The following PAX5 variants were observed in gnomAD, a reference collection of about 807,000 sequenced individuals.
PAX5 encodes the protein paired box 5.
A neutral mutation model predicts 43.7 loss-of-function variants in PAX5; 9 were observed. That is an observed-to-expected ratio of 0.21 (90% CI 0.12 to 0.36). The LOEUF is 0.36. Among genes scored for constraint, PAX5 ranks in the 10% least tolerant of loss-of-function variants. PAX5 has a pLI of 1.00. For synonymous variants in PAX5, 228 were observed against 214.3 expected (o/e 1.06, Z -0.56); for missense variants, 383 against 532.7 (o/e 0.72, Z 2.77).
chr9:36,952,595 C>T (rs527250275), intron 6 of PAX5, among the ~76,000 whole-genome samples: 1 of 152,148 alleles, frequency 6.6e-6, no homozygotes, highest in Non-Finnish European at 1.5e-5. Context: ...CTGAACGTGT[C>T]ATACAATTCC....
intron 8 of PAX5, among the ~76,000 whole-genome samples, chr9:36,870,115 A>ATGG (rs1825354001): frequency 1.9e-4 from 2 of 10,736 alleles, no homozygotes; most frequent in Non-Finnish European, 2.2e-4. Context: ...TGGATGGATA[A>ATGG]ATGGATGGAT....
chr9:37,020,506 A>C, intron 2 of PAX5, 130 bp downstream of exon 2: 1 of 952,430 alleles, frequency 1.0e-6, no homozygotes, highest in Admixed American at 2.1e-5. Context: ...GCAGACTTTA[A>C]AGTGCTCTGC....
At chr9:36,852,345 T>G (rs560968192) in intron 8 of PAX5, among the ~76,000 whole-genome samples, 23 of 152,234 alleles carry the variant, frequency 1.5e-4, no homozygotes, top group South Asian at 1.2e-3. Context: ...ATCCACATAC[T>G]CAACATGCCC....
chr9:36,989,160 G>C (rs577638001), intron 5 of PAX5, among the ~76,000 whole-genome samples: 2 of 152,358 alleles, frequency 1.3e-5, no homozygotes, highest in East Asian at 3.9e-4. Flanking sequence ...CAGACTCTGA[G>C]CCAAGGTCCC....
intron 7 of PAX5, among the ~76,000 whole-genome samples, chr9:36,911,408 G>A (rs1274116922): frequency 6.6e-6 from 1 of 151,636 alleles, no homozygotes; most frequent in East Asian, 1.9e-4. Context: ...TGGTCCTCCC[G>A]CCTTGACCTC....
At chr9:36,845,319 G>A (rs1170964187) in intron 9 of PAX5, among the ~76,000 whole-genome samples, 3 of 152,236 alleles carry the variant, frequency 2.0e-5, no homozygotes, top group Admixed American at 6.5e-5. Flanking sequence ...GAAGACACTG[G>A]TTCAGGGAGC....
chr9:36,967,029 T>G (rs1034692715), intron 5 of PAX5, among the ~76,000 whole-genome samples: 1 of 152,218 alleles, frequency 6.6e-6, no homozygotes, highest in Non-Finnish European at 1.5e-5. Flanking sequence ...ATGAGAAGAC[T>G]GAGACCTAGA....
chr9:36,849,215 C>T lies in PAX5; in HGVS notation c.1013-2286G>A, dbSNP rs142241770. ...AGCTTGGTGCCCAGTCCACAGCAGA[C>T]AATGAGTGTCTGAACAATTCCTGGT... On this transcript the variant is annotated intron_variant, in intron 8 of 9. Transcript: ENST00000358127. 8.0e-3 allele frequency among the ~76,000 whole-genome samples: 1,212 copies of T among 152,350 alleles called. 13 individuals are homozygous for T. The highest frequency in any genetic ancestry group is 0.028 in the African/African-American group (1,146 of 41,574).
intron 7 of PAX5, among the ~76,000 whole-genome samples, chr9:36,885,415 C>CT (rs1826828000): frequency 6.6e-6 from 1 of 152,112 alleles, no homozygotes; most frequent in Non-Finnish European, 1.5e-5. Flanking sequence ...CCTCGATTTC[C>CT]TTATCTATAA....
chr9:36,860,319 A>G (rs1824091365), intron 8 of PAX5, among the ~76,000 whole-genome samples: 1 of 152,114 alleles, frequency 6.6e-6, no homozygotes, highest in Admixed American at 6.5e-5. Context: ...CCTGGGTGAC[A>G]GAGCAAGACT....
intron 1 of PAX5, among the ~76,000 whole-genome samples, chr9:37,031,880 G>T (rs535230785): frequency 4.6e-5 from 7 of 152,324 alleles, no homozygotes; most frequent in South Asian, 4.1e-4. Context: ...GAAGAAAAAG[G>T]AAGTCTATTG....
At chr9:36,983,904 G>A (rs1836154600) in intron 5 of PAX5, among the ~76,000 whole-genome samples, 1 of 152,156 alleles carries the variant, frequency 6.6e-6, no homozygotes, top group South Asian at 2.1e-4. Flanking sequence ...TAGAGAGAAA[G>A]AGTTCTCCAG....
intron 6 of PAX5, among the ~76,000 whole-genome samples, chr9:36,939,448 C>T (rs1831846860): frequency 6.6e-6 from 1 of 152,182 alleles, no homozygotes; most frequent in Admixed American, 6.5e-5. Flanking sequence ...TCTGAAACCC[C>T]ACGTGCTCAA....
intron 7 of PAX5, among the ~76,000 whole-genome samples, chr9:36,914,756 A>G (rs889377987): frequency 1.3e-5 from 2 of 152,178 alleles, no homozygotes; most frequent in Non-Finnish European, 2.9e-5. Flanking sequence ...CTACAGCACC[A>G]TAATGCCCCA....
intron 6 of PAX5, among the ~76,000 whole-genome samples, chr9:36,938,023 T>C (rs1425166602): frequency 6.6e-6 from 1 of 152,204 alleles, no homozygotes; most frequent in African/African-American, 2.4e-5. Context: ...GATCAGAAAC[T>C]AAAGGAAGGA....
chr9:36,843,850 G>C (rs1397366757), intron 9 of PAX5, among the ~76,000 whole-genome samples: 1 of 152,222 alleles, frequency 6.6e-6, no homozygotes, highest in Non-Finnish European at 1.5e-5. Flanking sequence ...GGGCAGGACA[G>C]AGCTTCTGGT....
At chr9:37,018,873 T>G (rs181459725) in intron 2 of PAX5, among the ~76,000 whole-genome samples, 4 of 152,162 alleles carry the variant, frequency 2.6e-5, no homozygotes, top group Admixed American at 2.6e-4. Context: ...CATGGGAGAT[T>G]TGGAGGCTCC....
At chr9:36,879,648 C>T (rs973241792) in intron 8 of PAX5, among the ~76,000 whole-genome samples, 4 of 152,230 alleles carry the variant, frequency 2.6e-5, no homozygotes, top group African/African-American at 9.6e-5. Flanking sequence ...AATTCCCTGG[C>T]TTCTCCGGGG....
rs1020340297 is a variant in PAX5, at chr9:36,887,719, G to A, written c.911-5614C>T. 7.2e-5 allele frequency among the ~76,000 whole-genome samples: 11 copies of A among 152,280 alleles called. No individual in the cohort carries two copies. In the South Asian group the frequency reaches 2.1e-3, roughly 29 times the overall value. On this transcript the variant is annotated intron_variant, in intron 7 of 9. Coordinates refer to ENST00000358127, the MANE Select transcript of PAX5 (RefSeq NM_016734.3). ...AGGAAATATGGGCATAAATCTCCAT[G>A]ACCCTGGATTCGGCAATAGTTTATT...
Sources: allele counts gnomAD v4.1 joint callset (sites outside exome capture counted in the v4.1 genomes callset), GRCh38; gene constraint gnomAD v4.1.1; transcripts MANE v1.5; gene names NCBI Gene and HGNC (gene_info 2026-07-23, HGNC 2026-07-21).